Variants in EPS8 observed in about 807,000 individuals in gnomAD.
EPS8 encodes the protein epidermal growth factor receptor kinase substrate 8.
EPS8 carries 42 observed loss-of-function variants against 103.8 expected under a neutral mutation model. That is an observed-to-expected ratio of 0.40 (90% CI 0.32 to 0.52). The LOEUF (loss-of-function observed/expected upper bound fraction) is 0.52. EPS8 is among the 20% of genes least tolerant of loss of function. The probability of loss-of-function intolerance (pLI) is 0.40; values close to 1 mark genes in which losing one functional copy is unlikely to be tolerated. For missense variants in EPS8, 969 were observed against 1,005.1 expected (o/e 0.96, Z 0.49); for synonymous variants, 344 against 344.6 (o/e 1.00, Z 0.02).
chr12:15,677,120 T>C (rs1207193600), intron 3 of EPS8, among the ~76,000 whole-genome samples: 1 of 152,178 alleles, frequency 6.6e-6, no homozygotes, highest in East Asian at 1.9e-4. Flanking sequence ...AATATCAAAA[T>C]ATTACATTTG....
At position 15,698,887 on chromosome 12, in the gene EPS8, G is replaced by A. The variant is rs552057491; in HGVS notation, c.-21-15915C>T. ...GAATAAAACAATGTAGCATATTCTT[G>A]TAATTGTTGTATATGTCAAGAATGA... On this transcript the variant is annotated intron_variant, in intron 1 of 20. Transcript: ENST00000281172. The surrounding 1 kb of genome is among the most constrained non-coding windows in gnomAD (Gnocchi z 4.9). Among the ~76,000 whole-genome samples the A allele has an allele frequency of 4.6e-5, 7 of 152,316 alleles. No homozygotes were observed. In the South Asian group the frequency reaches 1.5e-3, roughly 32 times the overall value.
rs1946644398 is a variant in EPS8 at position 15,725,614 on chromosome 12, T to C, written c.-21-42642A>G. 6.6e-6 allele frequency among the ~76,000 whole-genome samples: 1 copy of C among 152,152 alleles called. No individual in the cohort carries two copies. Among genetic ancestry groups the C allele is most frequent in the South Asian group, 2.1e-4 (1 of 4,828 alleles). ...AATACGGTGACACAATGGGTCTTCA[T>C]CATATGGTGATTCACTCACCACCAC... On this transcript the variant is annotated intron_variant, in intron 1 of 20. Transcript: ENST00000281172. The surrounding 1 kb of genome is among the most constrained non-coding windows in gnomAD (Gnocchi z 4.5).
chr12:15,640,527 G>A (rs748619134), intron 17 of EPS8, among the ~76,000 whole-genome samples, 176 bp downstream of exon 17: 2 of 152,134 alleles, frequency 1.3e-5, no homozygotes, highest in South Asian at 4.1e-4. Flanking sequence ...GAAAACATAT[G>A]TGTAATTCTT....
intron 13 of EPS8, among the ~76,000 whole-genome samples, chr12:15,652,385 A>G (rs10734887): frequency 0.91 from 138,078 of 152,162 alleles, 63,509 homozygotes; most frequent in Non-Finnish European, 0.98. Context: ...TAGATCAGTA[A>G]AGTGACTATA....
chr12:15,729,870 A>G (rs1946694565), intron 1 of EPS8, among the ~76,000 whole-genome samples: 1 of 152,226 alleles, frequency 6.6e-6, no homozygotes, highest in Admixed American at 6.5e-5. Context: ...CAGTGCCTTC[A>G]TTAATGTTTA....
Position 15,700,953 on chromosome 12 carries a change from G to A in EPS8, c.-21-17981C>T, listed in dbSNP as rs539179336. Among the ~76,000 whole-genome samples the A allele has an allele frequency of 1.3e-5, 2 of 152,288 alleles. No homozygotes were observed. Among genetic ancestry groups the A allele is most frequent in the Non-Finnish European group, 2.9e-5 (2 of 68,022 alleles). Reference sequence around the variant, plus strand: ...CATTTTCATAAACATACGGTCAGGAGAAAGGAGACTTTAAAAATAGTCAAA... The same window carrying A: ...CATTTTCATAAACATACGGTCAGGAAAAAGGAGACTTTAAAAATAGTCAAA... On this transcript the variant is annotated intron_variant, in intron 1 of 20. Coordinates refer to ENST00000281172, the MANE Select transcript of EPS8 (RefSeq NM_004447.6). The surrounding 1 kb of genome is among the most constrained non-coding windows in gnomAD (Gnocchi z 5.1).
chr12:15,715,708 C>T (rs1353851554), intron 1 of EPS8, among the ~76,000 whole-genome samples: 1 of 151,928 alleles, frequency 6.6e-6, no homozygotes, highest in Non-Finnish European at 1.5e-5. Context: ...AGGCTGGTCT[C>T]GAAATCCTGA....
intron 1 of EPS8, among the ~76,000 whole-genome samples, chr12:15,754,221 T>C (rs1946961998): frequency 6.6e-6 from 1 of 151,350 alleles, no homozygotes; most frequent in Non-Finnish European, 1.5e-5. Flanking sequence ...ATTAAGACAC[T>C]TGTTCCATTT....
In EPS8 at chr12:15,731,101, T is replaced by C. The variant is rs1294252756; in HGVS notation, c.-21-48129A>G. ...AGTACCTTAAAGGCATATCTATATA[T>C]GACATAGAAATTCATCTTTTTTAGA... On this transcript the variant is annotated intron_variant, in intron 1 of 20. Transcript: ENST00000281172. The surrounding 1 kb of genome is among the most constrained non-coding windows in gnomAD (Gnocchi z 5.1). Among the ~76,000 whole-genome samples, 4 of 152,214 alleles carry C rather than the reference T, an allele frequency of 2.6e-5. No homozygotes were observed. The highest frequency in any genetic ancestry group is 4.8e-5 in the African/African-American group (2 of 41,458).
At position 15,690,809 on chromosome 12, in the gene EPS8, TC is replaced by T. The variant is rs1946161157; in HGVS notation, c.-21-7838del. On this transcript the variant is annotated intron_variant, in intron 1 of 20. Transcript: ENST00000281172. The surrounding 1 kb of genome is among the most constrained non-coding windows in gnomAD (Gnocchi z 4.7). ...TTCCTTCTTCCTATTATCCTATGCC[TC>T]TTAACATTTTGCCCACAAAGATAAA... is the stretch of plus-strand genomic sequence containing the variant. 6.6e-6 allele frequency among the ~76,000 whole-genome samples: 1 copy of T among 152,178 alleles called. No homozygotes were observed. Among genetic ancestry groups the T allele is most frequent in the African/African-American group, 2.4e-5 (1 of 41,442 alleles).
chr12:15,708,875 T>C (rs1357307252), intron 1 of EPS8, among the ~76,000 whole-genome samples: 3 of 152,214 alleles, frequency 2.0e-5, no homozygotes, highest in Non-Finnish European at 2.9e-5. Flanking sequence ...AGTCTTTCCC[T>C]AGTAAGAGCT....
At chr12:15,786,489 C>T (rs543088701) in intron 1 of EPS8, among the ~76,000 whole-genome samples, 1 of 152,036 alleles carries the variant, frequency 6.6e-6, no homozygotes, top group South Asian at 2.1e-4. Flanking sequence ...ACATTAAAAA[C>T]TAAGGAAATC....
At chr12:15,662,313 T>G in intron 8 of EPS8, 1 of 1,311,462 alleles carries the variant, frequency 7.6e-7, no homozygotes, top group South Asian at 2.3e-5. Context: ...ATTAGTCCTC[T>G]CAACTTTATG....
chr12:15,746,838 T>TC (rs1035245975), intron 1 of EPS8, among the ~76,000 whole-genome samples: 16 of 152,102 alleles, frequency 1.1e-4, no homozygotes, highest in African/African-American at 3.9e-4. Context: ...TCTACAAGCA[T>TC]CCCCCTAAGC....
intron 1 of EPS8, among the ~76,000 whole-genome samples, chr12:15,765,016 ATATC>A (rs1274465995): frequency 6.6e-6 from 1 of 152,216 alleles, no homozygotes; most frequent in African/African-American, 2.4e-5. Flanking sequence ...TTGTTTAATG[ATATC>A]TATCAGGTTA....
In EPS8 at chr12:15,684,753, C is replaced by T. The variant is rs1946067631; in HGVS notation, c.-21-1781G>A. 6.6e-6 allele frequency among the ~76,000 whole-genome samples: 1 copy of T among 152,146 alleles called. No individual in the cohort carries two copies. The highest frequency in any genetic ancestry group is 1.5e-5 in the Non-Finnish European group (1 of 68,022). On this transcript the variant is annotated intron_variant, in intron 1 of 20. Coordinates refer to ENST00000281172, the MANE Select transcript of EPS8 (RefSeq NM_004447.6). This position sits in a 1 kb window ranked among gnomAD's most constrained non-coding sequence, Gnocchi z 4.9. Reference sequence around the variant, plus strand: ...CTTAAAAAAATGGGTAAGAATGGCCCTCAAAACACTGGACTTTAATTTAAG... The same window carrying T: ...CTTAAAAAAATGGGTAAGAATGGCCTTCAAAACACTGGACTTTAATTTAAG...
chr12:15,723,861 T>C (rs192344799), intron 1 of EPS8, among the ~76,000 whole-genome samples: 1 of 152,244 alleles, frequency 6.6e-6, no homozygotes, highest in East Asian at 1.9e-4. Flanking sequence ...TCATGCTACC[T>C]CTCAAATCCC....
intron 19 of EPS8, 128 bp downstream of exon 19, chr12:15,624,099 G>A: frequency 5.8e-6 from 4 of 692,514 alleles, no homozygotes; most frequent in Non-Finnish European, 9.9e-6. Context: ...GAGTTCTTGA[G>A]TATGGCACAA....
chr12:15,772,593 C>G lies in EPS8; in HGVS notation c.-22+16568G>C, dbSNP rs1208362497. 6.6e-6 allele frequency among the ~76,000 whole-genome samples: 1 copy of G among 152,112 alleles called. No homozygotes were observed. Among genetic ancestry groups the G allele is most frequent in the African/African-American group, 2.4e-5 (1 of 41,402 alleles). The stretch of plus-strand genomic sequence containing the variant: ...ATAAAGCATTGGCTCTCACTGCTGC[C>G]AACAGATGGTGCTAGAACTTACTTG... On this transcript the variant is annotated intron_variant, in intron 1 of 20. Transcript: ENST00000281172. The surrounding 1 kb of genome is among the most constrained non-coding windows in gnomAD (Gnocchi z 5.0).
Sources: gnomAD v4.1 joint callset for allele counts (sites outside exome capture counted in the v4.1 genomes callset) on GRCh38, gnomAD v4.1.1 for gene constraint, Gnocchi (gnomAD v3.1) non-coding constraint, MANE v1.5 for transcripts, NCBI Gene and HGNC (gene_info 2026-07-23, HGNC 2026-07-21) for gene names.